Variants in ZNF687 observed in about 807,000 individuals in gnomAD.
The protein encoded by ZNF687 is zinc finger protein 687.
In ZNF687, 13 loss-of-function variants were observed where a neutral mutation model predicts 71.8. The ratio of observed to expected loss-of-function variants is 0.18; its 90% CI spans 0.12 to 0.29. ZNF687 has a LOEUF of 0.29. Ranked by LOEUF, ZNF687 falls within the 10% of genes least tolerant of loss-of-function variation. ZNF687 has a pLI of 1.00. For missense variants in ZNF687, 1,412 were observed against 1,625.6 expected (o/e 0.87, Z 2.26); for synonymous variants, 673 against 641.6 (o/e 1.05, Z -0.74).
In ZNF687 at chr1:151,286,963, G is replaced by A; in HGVS notation, c.672G>A (p.Glu224=). ...CACCATTGGGGGCCTTGAAGCAGGAGAGCTGCAGCCCCCATCATCCCCAGG... is the reference window on the plus strand; with the variant it reads ...CACCATTGGGGGCCTTGAAGCAGGAAAGCTGCAGCCCCCATCATCCCCAGG... ...SSPPLGALKQ[E]SCSPHHPQVL... The change falls in exon 2 of 9, where the codon GAG becomes GAA. Residue 224 remains glutamate (E), a synonymous_variant. Coordinates refer to ENST00000336715, the MANE Select transcript of ZNF687 (RefSeq NM_020832.3). 2 of 1,608,604 alleles carry A rather than the reference G, an allele frequency of 1.2e-6. No homozygotes were observed. The highest frequency in any genetic ancestry group is 1.7e-6 in the Non-Finnish European group (2 of 1,176,746).
chr1:151,283,211 C>G, intron 1 of ZNF687: 1 of 985,450 alleles, frequency 1.0e-6, no homozygotes, highest in Non-Finnish European at 1.2e-6. Flanking sequence ...CGCCAGCCCT[C>G]GGCAGATGGC....
Position 151,291,308 on chromosome 1 carries a change from A to C in ZNF687, c.*99A>C, listed in dbSNP as rs1694238055. The C allele has an allele frequency of 5.8e-6, 8 of 1,368,028 alleles. No individual in the cohort carries two copies. The highest frequency in any genetic ancestry group is 7.8e-6 in the Non-Finnish European group (8 of 1,021,328). The allele number at this position is 1,368,028 out of a possible 1,614,324, so 84.7% of individuals were successfully genotyped here. A position where few individuals can be genotyped will look rare whatever the true frequency, so the allele number is the denominator to read the frequency against. The stretch of plus-strand genomic sequence containing the variant: ...CTGGGGAGTTTTCATTAACATTAAT[A>C]TTTTGTTAATTCCTGTCTCTCCAAC... On this transcript the variant is annotated 3_prime_UTR_variant, in exon 9 of 9. Transcript: ENST00000336715.
At chr1:151,281,867 G>A, upstream of ZNF687, 1 of 434,054 alleles carries the variant, frequency 2.3e-6, no homozygotes, top group Admixed American at 3.8e-5. Flanking sequence ...CCACACAGAA[G>A]CTGGGTTCCT....
rs753549348 is a variant in ZNF687, at chr1:151,288,730, G to GAACT, written c.2294+25_2294+28dup. 21 of 1,593,586 alleles carry GAACT rather than the reference G, an allele frequency of 1.3e-5. No homozygotes were observed. The South Asian group carries it at 2.4e-4, about 18-fold the overall frequency. On this transcript the variant is annotated intron_variant, in intron 3 of 8. Coordinates refer to ENST00000336715, the MANE Select transcript of ZNF687 (RefSeq NM_020832.3). ...AGGTGCCTCGGACCCTTCCTCCATA[G>GAACT]AACTGTAGGGTTTCGTGTGTCCTAG...
intron 5 of ZNF687, 62 bp from the exon 6 acceptor site, chr1:151,289,616 G>C: frequency 6.2e-7 from 1 of 1,605,886 alleles, no homozygotes; most frequent in Non-Finnish European, 8.5e-7. Context: ...TTCAGAAGTG[G>C]GGGGCTTTGG....
In ZNF687 at chr1:151,290,242, T is replaced by G. The variant is rs1246044129; in HGVS notation, c.3077+8T>G. 3 of 1,613,734 alleles carry G rather than the reference T, an allele frequency of 1.9e-6. No homozygotes were observed. The highest frequency in any genetic ancestry group is 2.5e-6 in the Non-Finnish European group (3 of 1,179,878). On this transcript the variant is annotated splice_region_variant and intron_variant, in intron 7 of 8. Transcript: ENST00000336715. ...GCGAGTTTACCCCTGCAGGTAAGTC[T>G]TGCTCCCCGCTTCCTCTTCCTGCCC...
At chr1:151,283,041 G>C (rs987960008) in intron 1 of ZNF687, 13 of 910,616 alleles carry the variant, frequency 1.4e-5, no homozygotes, top group South Asian at 5.0e-5. Flanking sequence ...TGGGTCCCCA[G>C]GTGCTGCGCA....
At position 151,288,023 on chromosome 1, in the gene ZNF687, C is replaced by T. The variant is rs765698349; in HGVS notation, c.1732C>T (p.Leu578=). ...RRLVFFNKCS[L]LLHAREHKDK... is the part of the protein sequence containing the mutation. ...CCTGGTCTTCTTCAACAAGTGCAGC[C>T]TGCTCCTGCATGCACGTGAACACAA... The change falls in exon 2 of 9, where the codon CTG becomes TTG. Residue 578 remains leucine, a synonymous_variant. Coordinates refer to ENST00000336715, the MANE Select transcript of ZNF687 (RefSeq NM_020832.3). 4 of 1,613,962 alleles carry T rather than the reference C, an allele frequency of 2.5e-6. No individual in the cohort carries two copies. The highest frequency in any genetic ancestry group is 2.5e-6 in the Non-Finnish European group (3 of 1,180,044).
chr1:151,290,584 G>A lies in ZNF687; in HGVS notation c.3219+11G>A, dbSNP rs1233374627. The A allele has an allele frequency of 6.2e-7, 1 of 1,610,726 alleles. No individual in the cohort carries two copies. The highest frequency in any genetic ancestry group is 2.2e-5 in the East Asian group (1 of 44,884). Reference sequence around the variant, plus strand: ...AGTGCCAGAGCCCAGGTAGGCAGAGGCCCGGCCTGCTGTGCTAGGGCTTTG... The same window carrying A: ...AGTGCCAGAGCCCAGGTAGGCAGAGACCCGGCCTGCTGTGCTAGGGCTTTG... On this transcript the variant is annotated intron_variant, in intron 8 of 8. Transcript: ENST00000336715.
chr1:151,281,547 A>C (rs59912932), upstream of ZNF687: 56,157 of 470,998 alleles, frequency 0.12, 3,656 homozygotes, highest in Middle Eastern at 0.17. Flanking sequence ...CCCAACCTTT[A>C]GGTCCCGATT....
chr1:151,282,038 G>A, upstream of ZNF687: 1 of 1,277,478 alleles, frequency 7.8e-7, no homozygotes, highest in Non-Finnish European at 1.0e-6. Context: ...TACGAGACTC[G>A]TAGATGGGGC....
rs1693974698 is a variant in ZNF687, at chr1:151,286,986, A to G, written c.695A>G (p.Gln232Arg). The G allele has an allele frequency of 6.2e-7, 1 of 1,603,254 alleles. No homozygotes were observed. Among genetic ancestry groups the G allele is most frequent in the Non-Finnish European group, 8.5e-7 (1 of 1,173,462 alleles). The change falls in exon 2 of 9, where the codon CAG (glutamine) becomes CGG (arginine). Residue 232 changes from glutamine to arginine, a missense_variant. Transcript: ENST00000336715. ...GAGAGCTGCAGCCCCCATCATCCCC[A>G]GGTCCTAGCCCAACAAGGCTCAGGC... ...KQESCSPHHP[Q>R]VLAQQGSGSS... is the part of the protein sequence containing the mutation.
Position 151,291,301 on chromosome 1 carries a change from CA to C in ZNF687, c.*93del. ...CCCTCGGCTGGGGAGTTTTCATTAA[CA>C]TTAATATTTTGTTAATTCCTGTCTC... On this transcript the variant is annotated 3_prime_UTR_variant, in exon 9 of 9. Transcript: ENST00000336715. 2 of 1,456,374 alleles carry C rather than the reference CA, an allele frequency of 1.4e-6. No individual in the cohort carries two copies. Among genetic ancestry groups the C allele is most frequent in the Non-Finnish European group, 1.8e-6 (2 of 1,091,564 alleles). The allele number at this position is 1,456,374 out of a possible 1,614,324, so 90.2% of individuals were successfully genotyped here. A position where few individuals can be genotyped will look rare whatever the true frequency, so the allele number is the denominator to read the frequency against.
upstream of ZNF687, chr1:151,282,004 C>A: frequency 8.1e-7 from 1 of 1,238,276 alleles, no homozygotes. Context: ...TCTTTCTAAG[C>A]GACAGTGGCG....
chr1:151,289,320 G>A (rs756034997), intron 4 of ZNF687, 49 bp downstream of exon 4: 98 of 1,612,678 alleles, frequency 6.1e-5, no homozygotes, highest in Non-Finnish European at 8.1e-5. Flanking sequence ...CTGGTGGGGC[G>A]CAGGAGGGGA....
intron 3 of ZNF687, among the ~76,000 whole-genome samples, 158 bp downstream of exon 3, chr1:151,288,864 G>A (rs899104390): frequency 5.9e-5 from 9 of 152,092 alleles, no homozygotes; most frequent in African/African-American, 9.7e-5. Context: ...CCTTCCCGTC[G>A]TCCCCCATGG....
rs368798456 is a variant in ZNF687, at chr1:151,289,910, G to A, written c.2867G>A (p.Gly956Glu). The change falls in exon 6 of 9, where the codon GGG becomes GAG. Residue 956 changes from glycine to glutamate, a missense_variant. This residue lies in a region of ZNF687 where 135 missense variants were observed against 104.1 expected (regional missense o/e 1.30). Transcript: ENST00000336715. ...RELGSKGLKG[G>E]GGGPGGWTCG... ...CTAGGGAGCAAAGGCCTCAAGGGTG[G>A]GGGTGGGGGGCCTGGAGGCTGGACC... is the stretch of plus-strand genomic sequence containing the variant. 6.4e-7 allele frequency: 1 copy of A among 1,557,566 alleles called. No individual in the cohort carries two copies. The highest frequency in any genetic ancestry group is 8.7e-7 in the Non-Finnish European group (1 of 1,148,620).
intron 6 of ZNF687, 27 bp from the exon 7 acceptor site, chr1:151,290,095 C>G: frequency 6.2e-7 from 1 of 1,613,368 alleles, no homozygotes; most frequent in Non-Finnish European, 8.5e-7. Context: ...TGGAGCCTGG[C>G]TCTGACATCT....
At chr1:151,283,015 C>A in intron 1 of ZNF687, 1 of 646,918 alleles carries the variant, frequency 1.5e-6, no homozygotes, top group Non-Finnish European at 1.9e-6. Context: ...GCTCCCCACC[C>A]TATCCTGTGT....
Sources: gnomAD v4.1 joint callset for allele counts (sites outside exome capture counted in the v4.1 genomes callset) on GRCh38, gnomAD v4.1.1 for gene constraint, gnomAD v4.1.1 regional missense constraint, MANE v1.5 for transcripts, NCBI Gene and HGNC (gene_info 2026-07-23, HGNC 2026-07-21) for gene names.